The following SHROOM3 variants were observed in gnomAD, a reference collection of about 807,000 sequenced individuals.
The protein encoded by SHROOM3 is protein Shroom3.
SHROOM3 carries 47 observed loss-of-function variants against 138.6 expected under a neutral mutation model. The ratio of observed to expected loss-of-function variants is 0.34; its 90% confidence interval spans 0.27 to 0.43. The LOEUF (loss-of-function observed/expected upper bound fraction) is 0.43, where lower values mean the gene tolerates loss of function less well. SHROOM3 is among the 20% of genes least tolerant of loss of function. The pLI is 1.00. For missense variants in SHROOM3, 2,491 were observed against 2,596.5 expected, an observed-to-expected ratio of 0.96 and a Z score of 0.88; for synonymous variants, 1,062 against 1,063.3, an observed-to-expected ratio of 1.00 and a Z score of 0.02.
rs201806168 is a variant in SHROOM3 at position 76,754,486 on chromosome 4, C to T, written c.4003C>T (p.Pro1335Ser). 6.2e-7 allele frequency: 1 copy of T among 1,614,134 alleles called. No individual in the cohort carries two copies. Among genetic ancestry groups the T allele is most frequent in the Non-Finnish European group, 8.5e-7 (1 of 1,179,978 alleles). ...CAGTAGGACACCCTGCCCCAGGCCACCACTGGCAGGAACGCAAGGGCTGGT... is the reference window on the plus strand; with the variant it reads ...CAGTAGGACACCCTGCCCCAGGCCATCACTGGCAGGAACGCAAGGGCTGGT... The part of the protein sequence containing the change: ...QASRTPCPRP[P>S]LAGTQGLVTD... The change falls in exon 7 of 11, where the codon CCA (proline) becomes TCA (serine). Residue 1335 changes from proline to serine, a missense_variant. Transcript: ENST00000296043.
rs781725740 is a variant in SHROOM3 at position 76,741,121 on chromosome 4, G to A, written c.2948G>A (p.Arg983Gln). 6 of 1,551,768 alleles carry A rather than the reference G, an allele frequency of 3.9e-6. No homozygotes were observed. Among genetic ancestry groups the A allele is most frequent in the African/African-American group, 1.4e-5 (1 of 73,234 alleles). ...GCCTCCGCCTCCCCGCACACGCCCCGGGAGCGGCACAGCGTGACCCCTGCT... is the reference window on the plus strand; with the variant it reads ...GCCTCCGCCTCCCCGCACACGCCCCAGGAGCGGCACAGCGTGACCCCTGCT... ...ASASASPHTPRERHSVTPAEG... is the reference protein window; with the variant it reads ...ASASASPHTPQERHSVTPAEG... Residue 983 changes from arginine to glutamine, a missense_variant, in exon 5 of 11, where the codon CGG (arginine) becomes CAG (glutamine). By Grantham distance (43) the Arg-to-Gln change is conservative. This residue lies in a region of SHROOM3 where 1,733 missense variants were observed against 1,661.6 expected (regional missense o/e 1.04). Coordinates refer to ENST00000296043, the MANE Select transcript of SHROOM3 (RefSeq NM_020859.4). The surrounding 1 kb of genome is among the most constrained non-coding windows in gnomAD (Gnocchi z 6.2).
At chr4:76,669,963 C>T (rs564389056) in intron 2 of SHROOM3, among the ~76,000 whole-genome samples, 5 of 152,338 alleles carry the variant, frequency 3.3e-5, no homozygotes, top group Admixed American at 2.0e-4. Flanking sequence ...TAATCTTTCT[C>T]ATCAAAACTG....
At chr4:76,460,200 G>C (rs1457111398) in intron 1 of SHROOM3, among the ~76,000 whole-genome samples, 1 of 152,112 alleles carries the variant, frequency 6.6e-6, no homozygotes, top group African/African-American at 2.4e-5. Flanking sequence ...TTTAACTTAG[G>C]CATTAGATAT....
intron 2 of SHROOM3, among the ~76,000 whole-genome samples, chr4:76,625,714 T>C (rs1735121234): frequency 6.6e-6 from 1 of 152,198 alleles, no homozygotes; most frequent in African/African-American, 2.4e-5. Context: ...TCCTATGTGT[T>C]ACTTCTCTAA....
chr4:76,545,912 T>G (rs2110023398), intron 1 of SHROOM3, among the ~76,000 whole-genome samples: 1 of 152,324 alleles, frequency 6.6e-6, no homozygotes, highest in African/African-American at 2.4e-5. Context: ...TTTATACACC[T>G]CACCACTGTC....
chr4:76,729,200 T>G (rs538304486), intron 3 of SHROOM3, among the ~76,000 whole-genome samples: 44 of 152,304 alleles, frequency 2.9e-4, no homozygotes, highest in African/African-American at 9.9e-4. Flanking sequence ...TTACCTGAGA[T>G]CTAAAAGCTA....
At chr4:76,650,829 C>A (rs1301863943) in intron 2 of SHROOM3, among the ~76,000 whole-genome samples, 2 of 152,130 alleles carry the variant, frequency 1.3e-5, no homozygotes, top group Admixed American at 6.5e-5. Flanking sequence ...AGGCATGAGC[C>A]ACTGCGCTGG....
At chr4:76,611,370 C>G (rs543448697) in intron 2 of SHROOM3, among the ~76,000 whole-genome samples, 5 of 151,650 alleles carry the variant, frequency 3.3e-5, no homozygotes, top group Non-Finnish European at 7.4e-5. Context: ...GGAATTCAAA[C>G]GATCTCGTTG....
chr4:76,724,043 T>A (rs1392633073), intron 3 of SHROOM3, among the ~76,000 whole-genome samples: 1 of 152,208 alleles, frequency 6.6e-6, no homozygotes, highest in African/African-American at 2.4e-5. Context: ...TACTGTAGAT[T>A]TCTCAGAAAC....
chr4:76,661,612 G>A (rs1418498177), intron 2 of SHROOM3, among the ~76,000 whole-genome samples: 1 of 152,108 alleles, frequency 6.6e-6, no homozygotes, highest in Admixed American at 6.5e-5. Flanking sequence ...GGCACCTACT[G>A]TTCTGATTTA....
chr4:76,495,909 C>T (rs183896154), intron 1 of SHROOM3, among the ~76,000 whole-genome samples: 76 of 152,208 alleles, frequency 5.0e-4, no homozygotes, highest in Middle Eastern at 3.4e-3. Flanking sequence ...TTCTGGCAGG[C>T]GGATGCCATA....
chr4:76,764,460 C>T (rs778696463), intron 9 of SHROOM3, among the ~76,000 whole-genome samples: 38 of 152,222 alleles, frequency 2.5e-4, no homozygotes, highest in Non-Finnish European at 4.9e-4. Context: ...TGCCCATTCC[C>T]GCTGCTCTTC....
chr4:76,757,119 A>G (rs1018676986), intron 8 of SHROOM3, 182 bp downstream of exon 8: 38 of 794,624 alleles, frequency 4.8e-5, no homozygotes, highest in Middle Eastern at 7.1e-4. Flanking sequence ...CAGATATGCA[A>G]CAACAAAGAA....
chr4:76,451,616 C>T (rs1289560157), intron 1 of SHROOM3, among the ~76,000 whole-genome samples: 2 of 152,106 alleles, frequency 1.3e-5, no homozygotes, highest in Non-Finnish European at 2.9e-5. Context: ...GTGATATGTG[C>T]TATGTGGATA....
rs1348726943 is a variant in SHROOM3, at chr4:76,755,206, C to G, written c.4709+14C>G. The G allele has an allele frequency of 1.2e-6, 2 of 1,612,048 alleles. No individual in the cohort carries two copies. The highest frequency in any genetic ancestry group is 1.1e-5 in the South Asian group (1 of 90,642). Reference sequence around the variant, plus strand: ...GCCACGCCCCAGGTGAGTGAGCAGACTGGGCAGCTTTCCCCCACTAACAGG... The same window carrying G: ...GCCACGCCCCAGGTGAGTGAGCAGAGTGGGCAGCTTTCCCCCACTAACAGG... On this transcript the variant is annotated intron_variant, in intron 7 of 10. Coordinates refer to ENST00000296043, the MANE Select transcript of SHROOM3 (RefSeq NM_020859.4).
At chr4:76,557,281 A>AT (rs1298830449) in intron 2 of SHROOM3, among the ~76,000 whole-genome samples, 2 of 149,932 alleles carry the variant, frequency 1.3e-5, no homozygotes, top group East Asian at 3.9e-4. Flanking sequence ...TTATCCAGCC[A>AT]TAAAAAAAGA....
intron 1 of SHROOM3, among the ~76,000 whole-genome samples, chr4:76,510,824 C>G (rs1000327670): frequency 2.0e-5 from 3 of 152,106 alleles, no homozygotes; most frequent in Admixed American, 2.0e-4. Context: ...GGTCTTGGTT[C>G]CCTCATCAGT....
chr4:76,556,181 A>G (rs1733480343), intron 2 of SHROOM3, among the ~76,000 whole-genome samples: 1 of 152,170 alleles, frequency 6.6e-6, no homozygotes, highest in South Asian at 2.1e-4. Flanking sequence ...GTTCTTCAAA[A>G]CAGGCAAATT....
In SHROOM3 at chr4:76,735,678, A is replaced by G. The variant is rs567429255; in HGVS notation, c.588-3083A>G. Among the ~76,000 whole-genome samples the G allele has an allele frequency of 4.5e-3, 673 of 150,778 alleles. 5 individuals are homozygous for G. The highest frequency in any genetic ancestry group is 0.015 in the African/African-American group (622 of 40,996). ...AACATGGTGAAACCCCGTCTCTACTAAAAATACAAAAATTAGCTGGGCATG... is the reference window on the plus strand; with the variant it reads ...AACATGGTGAAACCCCGTCTCTACTGAAAATACAAAAATTAGCTGGGCATG... On this transcript the variant is annotated intron_variant, in intron 4 of 10. Coordinates refer to ENST00000296043, the MANE Select transcript of SHROOM3 (RefSeq NM_020859.4).
Sources: allele counts gnomAD v4.1 joint callset (sites outside exome capture counted in the v4.1 genomes callset), GRCh38; gene constraint gnomAD v4.1.1; regional missense constraint gnomAD v4.1.1; non-coding constraint Gnocchi (gnomAD v3.1); transcripts MANE v1.5; gene names NCBI Gene and HGNC (gene_info 2026-07-23, HGNC 2026-07-21).